The following FOXP1 variants were observed in gnomAD, a reference collection of about 807,000 sequenced individuals.
FOXP1 encodes the protein forkhead box P1.
Under a neutral mutation model 98.2 loss-of-function variants are expected in FOXP1, and 15 were observed. That is an observed-to-expected ratio of 0.15 (90% CI 0.10 to 0.24). The LOEUF is 0.24. FOXP1 is among the 10% of genes least tolerant of loss of function. The pLI is 1.00. For synonymous variants in FOXP1, 371 were observed against 314.5 expected (o/e 1.18, Z -1.90); for missense variants, 633 against 848.5 (o/e 0.75, Z 3.15).
At chr3:71,523,744 G>C (rs781688662) in intron 2 of FOXP1, among the ~76,000 whole-genome samples, 9 of 152,064 alleles carry the variant, frequency 5.9e-5, no homozygotes, top group Non-Finnish European at 1.2e-4. Context: ...ATAAGGCATG[G>C]ATACAGTTTT....
chr3:71,198,849 G>A (rs896333518), intron 5 of FOXP1, among the ~76,000 whole-genome samples: 1 of 151,812 alleles, frequency 6.6e-6, no homozygotes, highest in Non-Finnish European at 1.5e-5. Context: ...ATGCCACCAT[G>A]CCCGGCTAAT....
intron 5 of FOXP1, among the ~76,000 whole-genome samples, chr3:71,233,918 C>T (rs1168325214): frequency 5.9e-5 from 9 of 152,080 alleles, no homozygotes; most frequent in Non-Finnish European, 8.8e-5. Flanking sequence ...AGAAATTTTG[C>T]TCTTTCTTCG....
intron 2 of FOXP1, among the ~76,000 whole-genome samples, chr3:71,497,797 T>C (rs2091519868): frequency 6.6e-6 from 1 of 152,138 alleles, no homozygotes. Context: ...TCCACTTCAC[T>C]ACAGCCCCAG....
chr3:71,215,094 C>T (rs1284922186), intron 5 of FOXP1, among the ~76,000 whole-genome samples: 1 of 152,188 alleles, frequency 6.6e-6, no homozygotes, highest in Non-Finnish European at 1.5e-5. Flanking sequence ...AGGTGATTCA[C>T]ATGCATATTA....
intron 5 of FOXP1, among the ~76,000 whole-genome samples, chr3:71,279,064 G>T (rs1243624662): frequency 6.6e-6 from 1 of 150,798 alleles, no homozygotes; most frequent in African/African-American, 2.4e-5. Context: ...GTGGTGGCAG[G>T]CACCTGTAAT....
chr3:70,968,543 G>A (rs537474770), intron 19 of FOXP1: 1 of 152,078 alleles, frequency 6.6e-6, no homozygotes, highest in South Asian at 2.1e-4. Flanking sequence ...CCTCGCTCCT[G>A]GAACATTAAC....
chr3:71,469,184 G>T (rs1241271679), intron 3 of FOXP1, among the ~76,000 whole-genome samples: 1 of 152,064 alleles, frequency 6.6e-6, no homozygotes, highest in Non-Finnish European at 1.5e-5. Flanking sequence ...TTCCATATAT[G>T]CCCAGCCAGA....
intron 11 of FOXP1, among the ~76,000 whole-genome samples, chr3:71,032,682 G>C (rs190567782): frequency 6.6e-6 from 1 of 152,168 alleles, no homozygotes. Context: ...GGTAACACTG[G>C]TGCGAACACA....
At chr3:71,434,934 G>A (rs1216408643) in intron 3 of FOXP1, among the ~76,000 whole-genome samples, 1 of 151,938 alleles carries the variant, frequency 6.6e-6, no homozygotes, top group Non-Finnish European at 1.5e-5. Context: ...TGGCTAACAG[G>A]CCCCCGTCAC....
chr3:71,377,484 T>C (rs987417617), intron 3 of FOXP1, among the ~76,000 whole-genome samples: 1 of 152,322 alleles, frequency 6.6e-6, no homozygotes, highest in South Asian at 2.1e-4. Context: ...TCAGTTCCTA[T>C]AATGAGGTAA....
At chr3:71,467,580 C>T (rs759890005) in intron 3 of FOXP1, among the ~76,000 whole-genome samples, 1 of 152,164 alleles carries the variant, frequency 6.6e-6, no homozygotes, top group Non-Finnish European at 1.5e-5. Context: ...AGGAAGAAAA[C>T]GTCTTTATAA....
intron 2 of FOXP1, chr3:71,571,232 T>A (rs1321892296): frequency 6.6e-6 from 1 of 152,206 alleles, no homozygotes; most frequent in East Asian, 1.9e-4. Flanking sequence ...AAGTTACAAG[T>A]ATTACTTCTC....
At chr3:70,985,439 C>T (rs1224069944) in intron 14 of FOXP1, among the ~76,000 whole-genome samples, 1 of 151,984 alleles carries the variant, frequency 6.6e-6, no homozygotes, top group Non-Finnish European at 1.5e-5. Flanking sequence ...TACACGTCTA[C>T]CTTTTATAAT....
chr3:71,581,532 C>G lies in FOXP1; in HGVS notation c.-298+17G>C. 1.0e-6 allele frequency: 1 copy of G among 985,444 alleles called. No individual in the cohort carries two copies. The highest frequency in any genetic ancestry group is 5.2e-4 in the Middle Eastern group (1 of 1,914). 61.0% of individuals were successfully genotyped at this position (985,444 alleles called of 1,614,324 possible). A position where few individuals can be genotyped will look rare whatever the true frequency, so the allele number is the denominator to read the frequency against. On this transcript the variant is annotated intron_variant, in intron 2 of 20. Transcript: ENST00000649528. ...CCGGTGTCCCTGGACCCCGCGCCCGCGGCCGCCTCGACTTACCCGCGGAGT... is the reference window on the plus strand; with the variant it reads ...CCGGTGTCCCTGGACCCCGCGCCCGGGGCCGCCTCGACTTACCCGCGGAGT...
chr3:71,177,301 T>C (rs747858180), intron 6 of FOXP1, among the ~76,000 whole-genome samples: 1 of 152,102 alleles, frequency 6.6e-6, no homozygotes, highest in Non-Finnish European at 1.5e-5. Context: ...CTGCTACAAA[T>C]AAGGGCTCCA....
chr3:71,500,238 A>G lies in FOXP1; in HGVS notation c.-297-6683T>C, dbSNP rs371249703. On this transcript the variant is annotated intron_variant, in intron 2 of 20. Coordinates refer to ENST00000649528, the MANE Select transcript of FOXP1 (RefSeq NM_001349338.3). Reference sequence around the variant, plus strand: ...AAACCCACTAGACTAATTAGAACACATGGGGAATTACGTAATTACTTTTCT... The same window carrying G: ...AAACCCACTAGACTAATTAGAACACGTGGGGAATTACGTAATTACTTTTCT... Among the ~76,000 whole-genome samples, 34 of 152,368 alleles carry G rather than the reference A, an allele frequency of 2.2e-4. No individual in the cohort carries two copies. In the South Asian group the frequency reaches 6.6e-3, roughly 30 times the overall value.
At chr3:71,067,431 CTG>C (rs2052649096) in intron 7 of FOXP1, among the ~76,000 whole-genome samples, 1 of 152,294 alleles carries the variant, frequency 6.6e-6, no homozygotes, top group East Asian at 1.9e-4. Flanking sequence ...TTATTAATCA[CTG>C]TGAGCACCAG....
At chr3:71,455,058 G>A (rs534389618) in intron 3 of FOXP1, among the ~76,000 whole-genome samples, 12 of 152,074 alleles carry the variant, frequency 7.9e-5, no homozygotes, top group African/African-American at 1.4e-4. Flanking sequence ...TGAATGAGGC[G>A]GGGGCAGTGT....
chr3:71,145,235 T>A (rs2108024866), intron 6 of FOXP1, among the ~76,000 whole-genome samples: 1 of 152,290 alleles, frequency 6.6e-6, no homozygotes, highest in South Asian at 2.1e-4. Context: ...TTTATTTATT[T>A]TTTTTAAAGA....
Sources: gnomAD v4.1 joint callset for allele counts (sites outside exome capture counted in the v4.1 genomes callset) on GRCh38, gnomAD v4.1.1 for gene constraint, MANE v1.5 for transcripts, NCBI Gene and HGNC (gene_info 2026-07-23, HGNC 2026-07-21) for gene names.